HSD17B12: variants seen among roughly 807,000 people sequenced by gnomAD.
HSD17B12 encodes the protein hydroxysteroid 17-beta dehydrogenase 12, also known as very-long-chain 3-oxoacyl-CoA reductase.
Under a neutral mutation model 39.3 loss-of-function variants are expected in HSD17B12, and 32 were observed. The ratio of observed to expected loss-of-function variants is 0.81; its 90% CI spans 0.61 to 1.09. HSD17B12 has a LOEUF of 1.09. Ranked by LOEUF, HSD17B12 falls within the 50% of genes least tolerant of loss-of-function variation. The pLI is 0.00. For missense variants in HSD17B12, 342 were observed against 382.9 expected (o/e 0.89, Z 0.89); for synonymous variants, 150 against 146.7 (o/e 1.02, Z -0.16).
In HSD17B12 at chr11:43,723,080, T is replaced by C. The variant is rs1950189552; in HGVS notation, c.161-27831T>C. ...GTGTAATTTATTATTCACATTTTATTGGTATGGAGAATTAATTCATTTTTA... is the reference window on the plus strand; with the variant it reads ...GTGTAATTTATTATTCACATTTTATCGGTATGGAGAATTAATTCATTTTTA... On this transcript the variant is annotated intron_variant, in intron 1 of 10. Coordinates refer to ENST00000278353, the MANE Select transcript of HSD17B12 (RefSeq NM_016142.3). 2.0e-5 allele frequency among the ~76,000 whole-genome samples: 3 copies of C among 152,164 alleles called. No homozygotes were observed. In the South Asian group the frequency reaches 6.2e-4, roughly 31 times the overall value.
At chr11:43,684,587 C>T (rs1276955289) in intron 1 of HSD17B12, among the ~76,000 whole-genome samples, 1 of 152,196 alleles carries the variant, frequency 6.6e-6, no homozygotes, top group African/African-American at 2.4e-5. Context: ...CATAAGACAG[C>T]ACTCTGAGCA....
chr11:43,814,583 A>G (rs1951103673), intron 4 of HSD17B12, among the ~76,000 whole-genome samples: 1 of 152,144 alleles, frequency 6.6e-6, no homozygotes, highest in Admixed American at 6.5e-5. Context: ...AGGTTTATTC[A>G]TATCTTGTCA....
chr11:43,794,840 A>G (rs559301082), intron 3 of HSD17B12, among the ~76,000 whole-genome samples: 2 of 152,260 alleles, frequency 1.3e-5, no homozygotes, highest in African/African-American at 4.8e-5. Context: ...CACTTGTGGG[A>G]TATTGATTTT....
At chr11:43,570,437 C>T in the HSD17B12 span, 1 of 152,176 alleles carries the variant, frequency 6.6e-6, no homozygotes, top group Non-Finnish European at 1.5e-5. Context: ...TCATTTGAGA[C>T]CCAAGGCTTT....
chr11:43,760,293 T>C (rs1950544848), intron 3 of HSD17B12, among the ~76,000 whole-genome samples: 1 of 152,060 alleles, frequency 6.6e-6, no homozygotes, highest in South Asian at 2.1e-4. Flanking sequence ...CAAGCGATCC[T>C]CCCACCTTGG....
intron 9 of HSD17B12, among the ~76,000 whole-genome samples, chr11:43,847,432 C>T (rs1323871699): frequency 5.3e-5 from 8 of 152,182 alleles, no homozygotes; most frequent in African/African-American, 1.9e-4. Context: ...GCGCCATGCA[C>T]GGTGGCTCAC....
chr11:43,765,797 C>G (rs1424824536), intron 3 of HSD17B12, among the ~76,000 whole-genome samples: 1 of 152,146 alleles, frequency 6.6e-6, no homozygotes. Context: ...TGTCCTTTTT[C>G]TCTCTGTATT....
At chr11:43,738,474 G>A (rs1229567275) in intron 1 of HSD17B12, among the ~76,000 whole-genome samples, 1 of 151,882 alleles carries the variant, frequency 6.6e-6, no homozygotes, top group Non-Finnish European at 1.5e-5. Context: ...AAATCTACAG[G>A]TTTATCATAA....
intron 3 of HSD17B12, among the ~76,000 whole-genome samples, chr11:43,788,713 G>C (rs531254541): frequency 2.1e-5 from 3 of 140,286 alleles, no homozygotes; most frequent in Non-Finnish European, 3.1e-5. Flanking sequence ...AAAAAAAGAA[G>C]TGTGATCTTG....
At chr11:43,681,657 A>G (rs1464935354) in intron 1 of HSD17B12, among the ~76,000 whole-genome samples, 3 of 147,784 alleles carry the variant, frequency 2.0e-5, no homozygotes, top group African/African-American at 7.4e-5. Context: ...ATAACTCATC[A>G]TGTTAAAATC....
At chr11:43,785,831 A>G (rs531715822) in intron 3 of HSD17B12, among the ~76,000 whole-genome samples, 1 of 152,260 alleles carries the variant, frequency 6.6e-6, no homozygotes, top group East Asian at 1.9e-4. Flanking sequence ...ATCCATCATG[A>G]CTTTGTAACT....
At chr11:43,814,834 TC>T (rs1015872234) in intron 4 of HSD17B12, among the ~76,000 whole-genome samples, 4 of 152,298 alleles carry the variant, frequency 2.6e-5, no homozygotes, top group Admixed American at 2.6e-4. Flanking sequence ...TTCTTTCTTT[TC>T]CTACTAGATT....
intron 1 of HSD17B12, among the ~76,000 whole-genome samples, chr11:43,697,509 A>G (rs191511545): frequency 6.4e-4 from 98 of 152,332 alleles, no homozygotes; most frequent in Non-Finnish European, 1.1e-3. Flanking sequence ...TCTCTGTTTT[A>G]GTAAAAGAGA....
intron 6 of HSD17B12, chr11:43,830,771 G>C (rs964559181): frequency 7.4e-6 from 3 of 403,896 alleles, no homozygotes; most frequent in African/African-American, 4.1e-5. Context: ...TATTCCCTGT[G>C]TTCTCTCCAG....
intron 6 of HSD17B12, among the ~76,000 whole-genome samples, chr11:43,817,015 T>G (rs1199344829): frequency 3.4e-4 from 7 of 20,784 alleles, no homozygotes; most frequent in African/African-American, 8.8e-4. Context: ...TATATCTATA[T>G]CTATATCTAT....
At chr11:43,575,786 G>A in the HSD17B12 span, among the ~76,000 whole-genome samples, 1 of 152,240 alleles carries the variant, frequency 6.6e-6, no homozygotes, top group East Asian at 1.9e-4. The surrounding 1 kb of genome is among the most constrained non-coding windows in gnomAD (Gnocchi z 4.1). Context: ...GCTGCTCCGC[G>A]CTGCCTTCAT....
At chr11:43,705,122 C>A (rs1241409280) in intron 1 of HSD17B12, among the ~76,000 whole-genome samples, 1 of 152,120 alleles carries the variant, frequency 6.6e-6, no homozygotes, top group African/African-American at 2.4e-5. Context: ...TATTGCTATT[C>A]ATTTGAATAC....
At chr11:43,841,065 C>T (rs933635714) in intron 9 of HSD17B12, among the ~76,000 whole-genome samples, 1 of 152,162 alleles carries the variant, frequency 6.6e-6, no homozygotes, top group Non-Finnish European at 1.5e-5. Context: ...TTTATAATAG[C>T]CATCATAACG....
chr11:43,559,376 G>C, the HSD17B12 span, among the ~76,000 whole-genome samples: 126 of 152,284 alleles, frequency 8.3e-4, no homozygotes, highest in Non-Finnish European at 1.4e-3. Flanking sequence ...CACCTAAAAA[G>C]TATTTCATGT....
Sources: allele counts gnomAD v4.1 joint callset (sites outside exome capture counted in the v4.1 genomes callset), GRCh38; gene constraint gnomAD v4.1.1; non-coding constraint Gnocchi (gnomAD v3.1); transcripts MANE v1.5; gene names NCBI Gene and HGNC (gene_info 2026-07-23, HGNC 2026-07-21).